The following ZBTB20 variants were observed in gnomAD, a reference collection of about 807,000 sequenced individuals.
ZBTB20 encodes the protein zinc finger and BTB domain containing 20.
ZBTB20 carries 9 observed loss-of-function variants against 56.9 expected under a neutral mutation model. The observed-to-expected ratio is 0.16, with a 90% confidence interval of 0.10 to 0.28. ZBTB20 has a LOEUF of 0.28. Among genes scored for constraint, ZBTB20 ranks in the 10% least tolerant of loss-of-function variants. The pLI is 1.00. For synonymous variants in ZBTB20, 417 were observed against 420.7 expected (o/e 0.99, Z 0.11); for missense variants, 655 against 1,003.0 (o/e 0.65, Z 4.69).
At chr3:114,482,427 G>T (rs986456814) in intron 7 of ZBTB20, among the ~76,000 whole-genome samples, 1 of 152,116 alleles carries the variant, frequency 6.6e-6, no homozygotes, top group Admixed American at 6.6e-5. Context: ...CAGAATGGAG[G>T]CCAAATCTGA....
intron 6 of ZBTB20, among the ~76,000 whole-genome samples, chr3:114,544,374 A>T (rs1296393499): frequency 6.6e-6 from 1 of 151,868 alleles, no homozygotes; most frequent in Non-Finnish European, 1.5e-5. Flanking sequence ...ACACCAATAA[A>T]ATTACCTGTA....
rs1300974039 is a variant in ZBTB20, at chr3:115,077,738, T to C, written c.-702-6324A>G. The stretch of plus-strand genomic sequence containing the variant: ...TGTTATTAATAAAACAAAAGACAAG[T>C]GTTGATGAGGATGTAGAGAAATTTG... On this transcript the variant is annotated intron_variant, in intron 1 of 11. Coordinates refer to ENST00000675478, the MANE Select transcript of ZBTB20 (RefSeq NM_001348800.3). Among the ~76,000 whole-genome samples, 5 of 152,246 alleles carry C rather than the reference T, an allele frequency of 3.3e-5. No homozygotes were observed. The East Asian group carries it at 9.6e-4, about 29-fold the overall frequency.
intron 6 of ZBTB20, among the ~76,000 whole-genome samples, chr3:114,617,308 AT>A (rs759528903): frequency 2.0e-5 from 3 of 152,006 alleles, no homozygotes; most frequent in Non-Finnish European, 4.4e-5. Flanking sequence ...CTGCCATGCT[AT>A]TTCTAGTTAA....
chr3:114,986,825 ATACAT>A (rs2078566181), intron 2 of ZBTB20, among the ~76,000 whole-genome samples: 3 of 152,274 alleles, frequency 2.0e-5, no homozygotes, highest in Admixed American at 2.0e-4. Context: ...CTGTCATAAG[ATACAT>A]TACATATTAA....
chr3:114,821,148 C>CATGT (rs2073218562), intron 4 of ZBTB20, among the ~76,000 whole-genome samples: 1 of 152,120 alleles, frequency 6.6e-6, no homozygotes, highest in Non-Finnish European at 1.5e-5. Context: ...AAAGTCAAGA[C>CATGT]ATGTAATAAC....
chr3:114,809,623 T>C (rs931892749), intron 4 of ZBTB20, among the ~76,000 whole-genome samples: 1 of 152,192 alleles, frequency 6.6e-6, no homozygotes, highest in Non-Finnish European at 1.5e-5. Flanking sequence ...ATATTTATAA[T>C]AGTGCTTTCA....
At chr3:114,852,296 C>T (rs894599449) in intron 4 of ZBTB20, among the ~76,000 whole-genome samples, 4 of 151,938 alleles carry the variant, frequency 2.6e-5, no homozygotes, top group South Asian at 2.1e-4. Flanking sequence ...CAGAGTCTTG[C>T]TCTGTTGCCC....
At chr3:114,944,072 G>C (rs937577419) in intron 3 of ZBTB20, among the ~76,000 whole-genome samples, 4 of 145,834 alleles carry the variant, frequency 2.7e-5, no homozygotes, top group African/African-American at 5.6e-5. Context: ...AGAGAACAAA[G>C]CCATGATATC....
chr3:114,452,844 A>T (rs1368750235), intron 7 of ZBTB20, among the ~76,000 whole-genome samples: 1 of 152,122 alleles, frequency 6.6e-6, no homozygotes, highest in Non-Finnish European at 1.5e-5. Flanking sequence ...AATGGTACAT[A>T]ATATATATTT....
intron 6 of ZBTB20, among the ~76,000 whole-genome samples, chr3:114,615,781 T>C (rs964785779): frequency 2.0e-5 from 3 of 152,164 alleles, no homozygotes; most frequent in South Asian, 4.1e-4. Context: ...AAAGCACATA[T>C]GTATAGGCAG....
At chr3:114,720,370 AC>A (rs2064832172) in intron 5 of ZBTB20, among the ~76,000 whole-genome samples, 1 of 151,912 alleles carries the variant, frequency 6.6e-6, no homozygotes, top group Non-Finnish European at 1.5e-5. Context: ...TTTCCTGACA[AC>A]CACAAAAAGT....
intron 6 of ZBTB20, among the ~76,000 whole-genome samples, chr3:114,680,594 CTCAA>C (rs2061913274): frequency 1.3e-5 from 2 of 152,210 alleles, no homozygotes; most frequent in African/African-American, 2.4e-5. Context: ...GAGTCATTCA[CTCAA>C]TCATTCACTC....
At chr3:114,852,540 A>C (rs2075055575) in intron 4 of ZBTB20, among the ~76,000 whole-genome samples, 1 of 152,198 alleles carries the variant, frequency 6.6e-6, no homozygotes, top group South Asian at 2.1e-4. Context: ...CTGAGATTAC[A>C]GGTGTGAGCC....
intron 5 of ZBTB20, among the ~76,000 whole-genome samples, chr3:114,718,469 A>G (rs144595314): frequency 4.9e-4 from 75 of 152,208 alleles, no homozygotes; most frequent in Non-Finnish European, 9.4e-4. Flanking sequence ...ACTTACAAAC[A>G]TGAGTGGAGG....
At chr3:114,935,611 A>C (rs563534037) in intron 3 of ZBTB20, among the ~76,000 whole-genome samples, 59 of 152,320 alleles carry the variant, frequency 3.9e-4, no homozygotes, top group African/African-American at 1.4e-3. Flanking sequence ...TGTATGAAGA[A>C]GCATGTTTTC....
In ZBTB20 at chr3:114,755,582, A is replaced by T. The variant is rs545167187; in HGVS notation, c.-343+45519T>A. 4.7e-3 allele frequency among the ~76,000 whole-genome samples: 715 copies of T among 150,854 alleles called. 1 individual carries two copies. The highest frequency in any genetic ancestry group is 0.016 in the South Asian group (74 of 4,752). On this transcript the variant is annotated intron_variant, in intron 5 of 11. Transcript: ENST00000675478. Reference sequence around the variant, plus strand: ...ATATATATGTATTTATTTACATGAAATTTTTTTTTTAAATTCCCCCCTTAA... The same window carrying T: ...ATATATATGTATTTATTTACATGAATTTTTTTTTTTAAATTCCCCCCTTAA...
At chr3:115,075,756 C>T (rs551431681) in intron 1 of ZBTB20, among the ~76,000 whole-genome samples, 2 of 152,170 alleles carry the variant, frequency 1.3e-5, no homozygotes, top group East Asian at 3.9e-4. Context: ...TTCTATTCTA[C>T]ATAGTACTGG....
chr3:114,852,462 C>A (rs967046932), intron 4 of ZBTB20, among the ~76,000 whole-genome samples: 1 of 151,986 alleles, frequency 6.6e-6, no homozygotes, highest in East Asian at 1.9e-4. Context: ...GGGGGTTTCA[C>A]CATGCTGGCC....
intron 3 of ZBTB20, among the ~76,000 whole-genome samples, chr3:114,917,205 TTC>T (rs1158635588): frequency 2.0e-5 from 3 of 152,152 alleles, no homozygotes; most frequent in East Asian, 1.9e-4. Flanking sequence ...CCTCCAGAAT[TTC>T]TGTTTGATTC....
Sources: allele counts gnomAD v4.1 joint callset (sites outside exome capture counted in the v4.1 genomes callset), GRCh38; gene constraint gnomAD v4.1.1; transcripts MANE v1.5; gene names NCBI Gene and HGNC (gene_info 2026-07-23, HGNC 2026-07-21).